The following TNS1 variants were observed in gnomAD, a reference collection of about 807,000 sequenced individuals.
TNS1 encodes tensin-1.
In TNS1, 62 loss-of-function variants were observed where a neutral mutation model predicts 168.6. The ratio of observed to expected loss-of-function variants is 0.37; its 90% CI spans 0.30 to 0.45. The LOEUF (loss-of-function observed/expected upper bound fraction) is 0.45. Ranked by LOEUF, TNS1 falls within the 20% of genes least tolerant of loss-of-function variation. TNS1 has a pLI of 1.00. For synonymous variants in TNS1, 934 were observed against 933.2 expected (o/e 1.00, Z -0.02); for missense variants, 2,240 against 2,339.4 (o/e 0.96, Z 0.88).
At chr2:217,905,275 C>T (rs1162354283) in intron 6 of TNS1, 2 of 349,528 alleles carry the variant, frequency 5.7e-6, no homozygotes, top group East Asian at 1.7e-4. Context: ...GTACCCCACG[C>T]CCAGGGGAAC....
Position 217,818,532 on chromosome 2 carries a change from C to T in TNS1, c.3800G>A (p.Arg1267Gln), listed in dbSNP as rs1473628701. 7 of 1,614,064 alleles carry T rather than the reference C, an allele frequency of 4.3e-6. No individual in the cohort carries two copies. Among genetic ancestry groups the T allele is most frequent in the Admixed American group, 1.7e-5 (1 of 60,008 alleles). ...HFSSSPESQA[R>Q]AQFSVAGVHT... ...GACGCCAGCCACACTGAACTGAGCTCGAGCCTGGCTTTCCGGAGAGGAGCT... is the reference window on the plus strand; with the variant it reads ...GACGCCAGCCACACTGAACTGAGCTTGAGCCTGGCTTTCCGGAGAGGAGCT... The change falls in exon 24 of 33, where the codon CGA (arginine) becomes CAA (glutamine). Residue 1267 changes from arginine to glutamine, a missense_variant. Around this residue, in one of 2 missense-constraint regions of TNS1, gnomAD observed 2,131 missense variants for 2,171.2 expected, o/e 0.98. Transcript: ENST00000682258.
chr2:217,934,121 C>T (rs1479108150), intron 3 of TNS1, among the ~76,000 whole-genome samples: 3 of 152,186 alleles, frequency 2.0e-5, no homozygotes, highest in Admixed American at 1.3e-4. Context: ...GGTCACACAG[C>T]GATGAGTGGT....
intron 18 of TNS1, among the ~76,000 whole-genome samples, chr2:217,857,681 TG>T (rs1948310918): frequency 6.6e-6 from 1 of 152,198 alleles, no homozygotes; most frequent in Admixed American, 6.5e-5. Flanking sequence ...ACCAGGGGCC[TG>T]GAGGGCAAGT....
chr2:217,832,852 C>T (rs1232094889), intron 21 of TNS1, among the ~76,000 whole-genome samples: 3 of 152,116 alleles, frequency 2.0e-5, no homozygotes, highest in Non-Finnish European at 4.4e-5. Context: ...CAAATGGGTA[C>T]AAACATACAC....
At chr2:217,891,146 A>T in intron 11 of TNS1, 101 bp from the exon 12 acceptor site, 1 of 1,104,684 alleles carries the variant, frequency 9.1e-7, no homozygotes, top group Non-Finnish European at 1.4e-6. Flanking sequence ...CACTCTGGCC[A>T]AAGAGCACCT....
intron 1 of TNS1, among the ~76,000 whole-genome samples, chr2:218,023,293 T>C (rs1958825396): frequency 6.6e-6 from 1 of 152,114 alleles, no homozygotes; most frequent in Admixed American, 6.5e-5. Context: ...GCACCAATAA[T>C]GGAGAGACTG....
intron 1 of TNS1, among the ~76,000 whole-genome samples, chr2:218,020,988 A>C (rs1056574633): frequency 6.6e-6 from 1 of 152,210 alleles, no homozygotes; most frequent in African/African-American, 2.4e-5. Context: ...GCATCCACGA[A>C]ACAAGAACAG....
intron 22 of TNS1, chr2:217,829,912 GA>G: frequency 6.2e-7 from 1 of 1,612,374 alleles, no homozygotes; most frequent in East Asian, 2.2e-5. Flanking sequence ...GAGGTGGGAG[GA>G]AGGAGAGGCA....
chr2:217,835,265 C>T (rs1421816507), intron 20 of TNS1, 99 bp from the exon 21 acceptor site: 2 of 1,115,054 alleles, frequency 1.8e-6, no homozygotes, highest in Non-Finnish European at 2.6e-6. Context: ...TTAACCAGCC[C>T]CCACATCCCC....
intron 4 of TNS1, among the ~76,000 whole-genome samples, chr2:217,914,686 A>G (rs929566331): frequency 2.0e-5 from 3 of 152,118 alleles, no homozygotes; most frequent in African/African-American, 2.4e-5. Context: ...GGGTTTCACC[A>G]TGTTAGCCAG....
At chr2:218,011,013 A>G (rs1330249959), upstream of TNS1, among the ~76,000 whole-genome samples, 1 of 152,144 alleles carries the variant, frequency 6.6e-6, no homozygotes, top group Non-Finnish European at 1.5e-5. Flanking sequence ...TCAGACGTTC[A>G]GCACATCCAA....
rs568430517 is a variant in TNS1, at chr2:217,976,573, G to T, written c.186+2192C>A. Among the ~76,000 whole-genome samples, 5 of 152,322 alleles carry T rather than the reference G, an allele frequency of 3.3e-5. No individual in the cohort carries two copies. In the South Asian group the frequency reaches 1.0e-3, roughly 32 times the overall value. On this transcript the variant is annotated intron_variant, in intron 3 of 32. Coordinates refer to ENST00000682258, the MANE Select transcript of TNS1 (RefSeq NM_001387777.1). The stretch of plus-strand genomic sequence containing the variant: ...TCTCCCCCACTTAGTTGGCCTCCTT[G>T]GGCAGGGCAGAGCAGCACTGCGGCA...
chr2:217,834,018 T>C (rs549765603), intron 21 of TNS1, among the ~76,000 whole-genome samples: 5 of 152,358 alleles, frequency 3.3e-5, no homozygotes, highest in African/African-American at 1.2e-4. Context: ...CAGTTTCCTG[T>C]TATGCTTTTT....
At chr2:217,882,248 C>T (rs923522084) in intron 17 of TNS1, 98 bp downstream of exon 17, 1 of 824,904 alleles carries the variant, frequency 1.2e-6, no homozygotes, top group Non-Finnish European at 2.0e-6. Context: ...TCAAAAATAA[C>T]TTGATCACTG....
At position 218,032,847 on chromosome 2, in the gene TNS1, G is replaced by A. The variant is rs943608398; in HGVS notation, c.156+973C>T. Among the ~76,000 whole-genome samples the A allele has an allele frequency of 6.6e-6, 1 of 152,080 alleles. No individual in the cohort carries two copies. The highest frequency in any genetic ancestry group is 2.4e-5 in the African/African-American group (1 of 41,396). ...GAGCTCCAGGCTCTCTCCAGAGGCC[G>A]CTTAGAAACCAGCTCATCTGATGCA... On this transcript the variant is annotated intron_variant, in intron 1 of 1. Coordinates refer to the TNS1 transcript ENST00000649572. The surrounding 1 kb of genome is among the most constrained non-coding windows in gnomAD (Gnocchi z 4.0).
chr2:217,977,800 T>C (rs1957932996), intron 3 of TNS1, among the ~76,000 whole-genome samples: 1 of 152,188 alleles, frequency 6.6e-6, no homozygotes, highest in Non-Finnish European at 1.5e-5. Context: ...GAATGCTCCT[T>C]CTGGAAGCAT....
chr2:217,851,473 A>C (rs935182364), intron 18 of TNS1, among the ~76,000 whole-genome samples: 80 of 147,756 alleles, frequency 5.4e-4, no homozygotes, highest in South Asian at 2.2e-3. Context: ...ACACACACAC[A>C]CCCCAGGGAC....
chr2:217,996,149 G>C (rs967102699), intron 1 of TNS1, among the ~76,000 whole-genome samples: 1 of 152,174 alleles, frequency 6.6e-6, no homozygotes, highest in African/African-American at 2.4e-5. Flanking sequence ...CAGCTCCTGA[G>C]CTCCTCCTAC....
chr2:217,830,492 A>G, intron 22 of TNS1: 1 of 1,378,788 alleles, frequency 7.3e-7, no homozygotes. Context: ...ATGGCCACCA[A>G]GGGCCCAGGG....
Sources: allele counts gnomAD v4.1 joint callset (sites outside exome capture counted in the v4.1 genomes callset), GRCh38; gene constraint gnomAD v4.1.1; regional missense constraint gnomAD v4.1.1; non-coding constraint Gnocchi (gnomAD v3.1); transcripts MANE v1.5; gene names NCBI Gene and HGNC (gene_info 2026-07-23, HGNC 2026-07-21).